Variants in ATF6 observed in about 807,000 individuals in gnomAD.
The protein encoded by ATF6 is cyclic AMP-dependent transcription factor ATF-6 alpha.
ATF6 carries 53 observed loss-of-function variants against 83.6 expected under a neutral mutation model. The ratio of observed to expected loss-of-function variants is 0.63; its 90% CI spans 0.51 to 0.80. The LOEUF is 0.80. ATF6 is among the 30% of genes least tolerant of loss of function. The pLI is 0.00. For missense variants in ATF6, 744 were observed against 797.9 expected, an observed-to-expected ratio of 0.93 and a Z score of 0.81; for synonymous variants, 288 against 285.8, an observed-to-expected ratio of 1.01 and a Z score of -0.08.
intron 7 of ATF6, among the ~76,000 whole-genome samples, chr1:161,818,567 G>A (rs189533198): frequency 6.6e-6 from 1 of 152,290 alleles, no homozygotes; most frequent in Admixed American, 6.5e-5. Context: ...GGTATAAGAT[G>A]TTCAGAGAAA....
Position 161,961,398 on chromosome 1 carries a change from T to A in ATF6, c.*2744T>A, listed in dbSNP as rs1689096164. 6.6e-6 allele frequency: 1 copy of A among 152,234 alleles called. No individual in the cohort carries two copies. 9.4% of individuals were successfully genotyped at this position (152,234 alleles called of 1,614,324 possible). On this transcript the variant is annotated 3_prime_UTR_variant, in exon 16 of 16. Transcript: ENST00000367942. Reference sequence around the variant, plus strand: ...TTGAAATGAGGGGACAGGATTCTCCTAAGGGTAGAGTTTCAGGAAATGAGT... The same window carrying A: ...TTGAAATGAGGGGACAGGATTCTCCAAAGGGTAGAGTTTCAGGAAATGAGT...
At chr1:161,842,865 G>A (rs1686390870) in intron 9 of ATF6, among the ~76,000 whole-genome samples, 1 of 152,216 alleles carries the variant, frequency 6.6e-6, no homozygotes, top group South Asian at 2.1e-4. Flanking sequence ...AAAGTGAAAG[G>A]AGCACATCCT....
rs890228951 is a variant in ATF6, at chr1:161,915,908, C to T, written c.1804+3528C>T. The stretch of plus-strand genomic sequence containing the variant: ...AAAGTGCTAGGATTACAGACATGAG[C>T]CACTGCACCCAGCCCAAAATGTCTT... On this transcript the variant is annotated intron_variant, in intron 15 of 15. Coordinates refer to ENST00000367942, the MANE Select transcript of ATF6 (RefSeq NM_007348.4). 2.0e-5 allele frequency among the ~76,000 whole-genome samples: 3 copies of T among 152,192 alleles called. No homozygotes were observed. In the East Asian group the frequency reaches 5.8e-4, roughly 29 times the overall value.
intron 14 of ATF6, among the ~76,000 whole-genome samples, chr1:161,877,809 G>A (rs1427607103): frequency 2.0e-5 from 3 of 152,094 alleles, no homozygotes; most frequent in Non-Finnish European, 4.4e-5. Flanking sequence ...GCAGCAAAGT[G>A]ATGAATGGAT....
intron 10 of ATF6, among the ~76,000 whole-genome samples, chr1:161,849,847 A>G (rs963864560): frequency 1.3e-5 from 2 of 152,154 alleles, no homozygotes; most frequent in Non-Finnish European, 2.9e-5. Flanking sequence ...CAAACTTAAC[A>G]TGTGCACTGT....
At chr1:161,796,270 A>C (rs566646948) in intron 6 of ATF6, among the ~76,000 whole-genome samples, 1 of 152,348 alleles carries the variant, frequency 6.6e-6, no homozygotes, top group Non-Finnish European at 1.5e-5. Context: ...AAGTTGCCTA[A>C]TTCATTATAT....
intron 12 of ATF6, 133 bp downstream of exon 12, chr1:161,853,456 G>A (rs962650870): frequency 4.3e-6 from 3 of 696,326 alleles, no homozygotes; most frequent in South Asian, 1.6e-5. Context: ...TGCTGCTTCC[G>A]ATGCAGCTAT....
chr1:161,890,542 AC>A (rs1490680860), intron 14 of ATF6, among the ~76,000 whole-genome samples: 1 of 152,214 alleles, frequency 6.6e-6, no homozygotes, highest in African/African-American at 2.4e-5. Flanking sequence ...GCTTTCTTAA[AC>A]GACATTCTTT....
At chr1:161,816,793 T>A (rs191997138) in intron 7 of ATF6, among the ~76,000 whole-genome samples, 1 of 152,226 alleles carries the variant, frequency 6.6e-6, no homozygotes, top group African/African-American at 2.4e-5. Context: ...TATAGGAAAA[T>A]ACCCACTTCC....
rs78855630 is a variant in ATF6 at position 161,838,727 on chromosome 1, T to C, written c.1188-7722T>C. ...TGAATGAAAGAATCTCAGGTTGTTT[T>C]CTTGCTCATGTTGGCCCATTTGGCA... On this transcript the variant is annotated intron_variant, in intron 9 of 15. Coordinates refer to ENST00000367942, the MANE Select transcript of ATF6 (RefSeq NM_007348.4). Among the ~76,000 whole-genome samples, 351 of 152,344 alleles carry C rather than the reference T, an allele frequency of 2.3e-3. 3 individuals carry two copies. The highest frequency in any genetic ancestry group is 8.3e-3 in the African/African-American group (343 of 41,574).
At chr1:161,865,998 C>CTTT (rs761152481) in intron 14 of ATF6, among the ~76,000 whole-genome samples, 40 of 152,188 alleles carry the variant, frequency 2.6e-4, no homozygotes, top group Non-Finnish European at 4.7e-4. Context: ...ATAAAATATT[C>CTTT]TAACAGTTTC....
At chr1:161,781,331 A>G (rs913943213) in intron 2 of ATF6, among the ~76,000 whole-genome samples, 1 of 152,256 alleles carries the variant, frequency 6.6e-6, no homozygotes, top group East Asian at 1.9e-4. Context: ...TTTGATTCAT[A>G]AAAGTTTTAG....
chr1:161,789,564 C>T (rs560753694), intron 4 of ATF6, among the ~76,000 whole-genome samples: 1 of 151,768 alleles, frequency 6.6e-6, no homozygotes, highest in East Asian at 1.9e-4. Flanking sequence ...AAAAGGCACG[C>T]TGTCTCTTTT....
At chr1:161,782,175 G>A (rs1684647619) in intron 3 of ATF6, among the ~76,000 whole-genome samples, 176 bp downstream of exon 3, 1 of 152,200 alleles carries the variant, frequency 6.6e-6, no homozygotes, top group South Asian at 2.1e-4. Flanking sequence ...GCCAAAAATG[G>A]ATATGAGGAG....
At chr1:161,898,138 A>C (rs1020624537) in intron 14 of ATF6, among the ~76,000 whole-genome samples, 4 of 152,222 alleles carry the variant, frequency 2.6e-5, no homozygotes, top group African/African-American at 9.6e-5. Flanking sequence ...GAGGCTAAAC[A>C]TTGTAAGCCA....
chr1:161,919,086 G>A (rs1361756819), intron 15 of ATF6, among the ~76,000 whole-genome samples: 3 of 152,114 alleles, frequency 2.0e-5, no homozygotes, highest in Admixed American at 2.0e-4. Context: ...TGTTCTCCAT[G>A]CCAGTTTTAT....
intron 14 of ATF6, among the ~76,000 whole-genome samples, chr1:161,868,414 TAGTA>T (rs1371412021): frequency 3.3e-5 from 5 of 152,134 alleles, no homozygotes; most frequent in Non-Finnish European, 7.4e-5. Flanking sequence ...TCCCCGTTCT[TAGTA>T]AGTGTGCATT....
At chr1:161,917,102 G>A (rs1571235418) in intron 15 of ATF6, among the ~76,000 whole-genome samples, 2 of 152,194 alleles carry the variant, frequency 1.3e-5, no homozygotes, top group Admixed American at 1.3e-4. Context: ...AGTACCTGGT[G>A]TAGGAAACCT....
rs140946697 is a variant in ATF6, at chr1:161,819,818, G to A, written c.1095G>A (p.Glu365=). ...GGCAGCTGGATGAAGTTGTGTCAGA[G>A]GTAAGTGTTAGTAATACGGCTGAGT... ...LKRQLDEVVS[E]NQRLKVPSPK... is the part of the protein sequence containing the mutation. Residue 365 remains glutamate (E), a splice_region_variant and synonymous_variant, in exon 8 of 16, where the codon GAG becomes GAA. Coordinates refer to ENST00000367942, the MANE Select transcript of ATF6 (RefSeq NM_007348.4). 5.0e-6 allele frequency: 8 copies of A among 1,606,660 alleles called. No homozygotes were observed. The highest frequency in any genetic ancestry group is 6.8e-6 in the Non-Finnish European group (8 of 1,176,850).
Sources: gnomAD v4.1 joint callset for allele counts (sites outside exome capture counted in the v4.1 genomes callset) on GRCh38, gnomAD v4.1.1 for gene constraint, MANE v1.5 for transcripts, NCBI Gene and HGNC (gene_info 2026-07-23, HGNC 2026-07-21) for gene names.